TTLL5: variants seen among roughly 807,000 people sequenced by gnomAD.
The protein encoded by TTLL5 is tubulin polyglutamylase TTLL5.
In TTLL5, 132 loss-of-function variants were observed where a neutral mutation model predicts 168.4. The observed-to-expected ratio is 0.78, with a 90% CI of 0.68 to 0.91. The LOEUF (loss-of-function observed/expected upper bound fraction) is 0.91. TTLL5 is among the 40% of genes least tolerant of loss of function. TTLL5 has a pLI of 0.00. For missense variants in TTLL5, 1,545 were observed against 1,581.5 expected, an observed-to-expected ratio of 0.98 and a Z score of 0.39; for synonymous variants, 546 against 558.6, an observed-to-expected ratio of 0.98 and a Z score of 0.32.
intron 30 of TTLL5, among the ~76,000 whole-genome samples, chr14:75,894,490 T>C (rs1595223150): frequency 6.6e-6 from 1 of 151,960 alleles, no homozygotes; most frequent in Non-Finnish European, 1.5e-5. Flanking sequence ...GAGGCTGAGG[T>C]TGCAGTGAGC....
At chr14:75,924,813 C>T (rs1383720608) in intron 31 of TTLL5, among the ~76,000 whole-genome samples, 2 of 151,936 alleles carry the variant, frequency 1.3e-5, no homozygotes, top group Admixed American at 6.5e-5. Context: ...CCTCCCAGAC[C>T]GGGTGGTGGC....
intron 9 of TTLL5, among the ~76,000 whole-genome samples, chr14:75,715,800 A>G (rs1313221338): frequency 6.7e-6 from 1 of 149,280 alleles, no homozygotes; most frequent in Non-Finnish European, 1.5e-5. Flanking sequence ...AGGAAGAAGA[A>G]ACATGATTTT....
chr14:75,818,978 GT>G (rs1338061288), intron 27 of TTLL5, among the ~76,000 whole-genome samples: 1 of 152,060 alleles, frequency 6.6e-6, no homozygotes, highest in Non-Finnish European at 1.5e-5. Flanking sequence ...AAAAACTATG[GT>G]TTGAATTCTT....
intron 21 of TTLL5, among the ~76,000 whole-genome samples, chr14:75,773,927 T>TATAG (rs1354936334): frequency 3.3e-3 from 70 of 21,120 alleles, no homozygotes; most frequent in East Asian, 9.0e-3. Flanking sequence ...TATATATATA[T>TATAG]AGAGAGAGAG....
Position 75,766,375 on chromosome 14 carries a change from A to G in TTLL5, c.2015+7A>G. 1.9e-6 allele frequency: 3 copies of G among 1,595,522 alleles called. No individual in the cohort carries two copies. Among genetic ancestry groups the G allele is most frequent in the Non-Finnish European group, 2.6e-6 (3 of 1,172,448 alleles). On this transcript the variant is annotated splice_region_variant and intron_variant, in intron 20 of 31. Coordinates refer to ENST00000298832, the MANE Select transcript of TTLL5 (RefSeq NM_015072.5). Reference sequence around the variant, plus strand: ...AAGATAATGGCAATCTTAGGTATGTATCTTTTATAATTATATTAGTAAAAC... The same window carrying G: ...AAGATAATGGCAATCTTAGGTATGTGTCTTTTATAATTATATTAGTAAAAC...
intron 5 of TTLL5, chr14:75,684,621 A>C (rs138715069): frequency 6.6e-6 from 1 of 152,224 alleles, no homozygotes; most frequent in Non-Finnish European, 1.5e-5. Context: ...CAATACTTGC[A>C]ATGATAATCA....
intron 15 of TTLL5, among the ~76,000 whole-genome samples, chr14:75,736,053 A>G (rs1039973884): frequency 1.3e-5 from 2 of 152,166 alleles, no homozygotes; most frequent in Admixed American, 1.3e-4. Context: ...TATTAAATCC[A>G]TCGTCACCTT....
intron 31 of TTLL5, among the ~76,000 whole-genome samples, chr14:75,929,871 G>C (rs571406593): frequency 2.0e-5 from 3 of 152,206 alleles, no homozygotes; most frequent in Non-Finnish European, 4.4e-5. Context: ...CAAATTGCTG[G>C]TAATCTATAT....
rs11848004 is a variant in TTLL5 at position 75,766,127 on chromosome 14, G to A, written c.1774G>A (p.Ala592Thr). 2,703 of 1,613,944 alleles carry A rather than the reference G, an allele frequency of 1.7e-3. 26 individuals are homozygous for A. In the African/African-American group the frequency reaches 0.03, roughly 18 times the overall value. Residue 592 changes from alanine to threonine, a missense_variant, in exon 20 of 32, where the codon GCA becomes ACA. Ala to Thr is a moderately conservative substitution (Grantham distance 58). Transcript: ENST00000298832. Reference sequence around the variant, plus strand: ...AGAGAGTGAAGAGGAGGAAGAAGTCGCATTAGATAATGAAGATGAAGAACA... The same window carrying A: ...AGAGAGTGAAGAGGAGGAAGAAGTCACATTAGATAATGAAGATGAAGAACA... ...ETESEEEEEV[A>T]LDNEDEEQEA... is the part of the protein sequence containing the mutation.
At chr14:75,755,041 G>C (rs1236790574) in intron 18 of TTLL5, among the ~76,000 whole-genome samples, 2 of 152,164 alleles carry the variant, frequency 1.3e-5, no homozygotes, top group African/African-American at 4.8e-5. Context: ...GAGGTGGGCA[G>C]ATCACCTGAG....
chr14:75,709,082 C>G, intron 9 of TTLL5: 2 of 672,658 alleles, frequency 3.0e-6, no homozygotes, highest in East Asian at 2.6e-5. Flanking sequence ...GTTGGACAAG[C>G]TTGTTATAAA....
rs550982448 is a variant in TTLL5 at position 75,714,744 on chromosome 14, A to G, written c.741-3117A>G. 1.8e-4 allele frequency among the ~76,000 whole-genome samples: 27 copies of G among 152,162 alleles called. No individual in the cohort carries two copies. The East Asian group carries it at 2.1e-3, about 12-fold the overall frequency. ...TTCAGGCTCATCTTGTTCTTTCTCT[A>G]TTCTATCCCTGGAATCAACCATTTC... On this transcript the variant is annotated intron_variant, in intron 9 of 31. Coordinates refer to ENST00000298832, the MANE Select transcript of TTLL5 (RefSeq NM_015072.5).
intron 29 of TTLL5, among the ~76,000 whole-genome samples, chr14:75,868,187 T>G (rs1201215561): frequency 6.6e-6 from 1 of 152,088 alleles, no homozygotes; most frequent in East Asian, 1.9e-4. Flanking sequence ...CTTCCTTCCC[T>G]CCCACTCTCT....
At chr14:75,819,707 T>C (rs977452027) in intron 27 of TTLL5, among the ~76,000 whole-genome samples, 1 of 152,254 alleles carries the variant, frequency 6.6e-6, no homozygotes, top group South Asian at 2.1e-4. Context: ...CATTGTCTAC[T>C]CAGTAGATTC....
At chr14:75,845,049 T>C (rs1441629653) in intron 28 of TTLL5, among the ~76,000 whole-genome samples, 1 of 152,210 alleles carries the variant, frequency 6.6e-6, no homozygotes, top group African/African-American at 2.4e-5. Context: ...AGTTGGCAAG[T>C]TACTGGTCAT....
At chr14:75,889,556 T>C (rs2032285659) in intron 30 of TTLL5, among the ~76,000 whole-genome samples, 1 of 152,186 alleles carries the variant, frequency 6.6e-6, no homozygotes, top group Non-Finnish European at 1.5e-5. Flanking sequence ...CTGGGTGCGG[T>C]GCCTCACACC....
At chr14:75,860,357 A>G (rs773121226) in intron 28 of TTLL5, among the ~76,000 whole-genome samples, 1 of 152,162 alleles carries the variant, frequency 6.6e-6, no homozygotes, top group Non-Finnish European at 1.5e-5. Context: ...TCTCCTGGGG[A>G]TATTTGTTAT....
At chr14:75,738,724 A>AAAGGG (rs1387532242) in intron 15 of TTLL5, among the ~76,000 whole-genome samples, 1 of 152,220 alleles carries the variant, frequency 6.6e-6, no homozygotes, top group Non-Finnish European at 1.5e-5. Context: ...TACTGAAAGG[A>AAAGGG]GTACGTTAGG....
intron 30 of TTLL5, among the ~76,000 whole-genome samples, chr14:75,886,496 T>G (rs1362685717): frequency 2.6e-5 from 4 of 152,256 alleles, no homozygotes; most frequent in African/African-American, 9.6e-5. Context: ...TCCTGATGCT[T>G]TCAAGCCATT....
Sources: gnomAD v4.1 joint callset for allele counts (sites outside exome capture counted in the v4.1 genomes callset) on GRCh38, gnomAD v4.1.1 for gene constraint, MANE v1.5 for transcripts, NCBI Gene and HGNC (gene_info 2026-07-23, HGNC 2026-07-21) for gene names.